AP3B1: variants seen among roughly 807,000 people sequenced by gnomAD.
The protein encoded by AP3B1 is adaptor related protein complex 3 subunit beta 1, also known as AP-3 complex subunit beta-1.
A neutral mutation model predicts 132.5 loss-of-function variants in AP3B1; 61 were observed. The ratio of observed to expected loss-of-function variants is 0.46; its 90% CI spans 0.37 to 0.57. AP3B1 has a LOEUF of 0.57. Among genes scored for constraint, AP3B1 ranks in the 20% least tolerant of loss-of-function variants. The pLI is 0.00. For synonymous variants in AP3B1, 388 were observed against 438.3 expected (o/e 0.89, Z 1.43); for missense variants, 1,120 against 1,289.4 (o/e 0.87, Z 2.01).
At chr5:78,285,239 ACT>A (rs1172104733) in intron 1 of AP3B1, among the ~76,000 whole-genome samples, 1 of 141,064 alleles carries the variant, frequency 7.1e-6, no homozygotes, top group African/African-American at 2.6e-5. Flanking sequence ...ACAGAGCAAG[ACT>A]CTGTCTCAAA....
At chr5:78,024,843 G>A (rs186120684) in intron 24 of AP3B1, among the ~76,000 whole-genome samples, 362 of 150,446 alleles carry the variant, frequency 2.4e-3, no homozygotes, top group African/African-American at 8.2e-3. Context: ...GATTACAGGT[G>A]TGAGTCACTG....
At chr5:78,081,836 T>A (rs1041748440) in intron 22 of AP3B1, among the ~76,000 whole-genome samples, 1 of 152,048 alleles carries the variant, frequency 6.6e-6, no homozygotes, top group Non-Finnish European at 1.5e-5. Flanking sequence ...AACAGAAAAA[T>A]TATGAAATCA....
intron 22 of AP3B1, among the ~76,000 whole-genome samples, chr5:78,078,276 C>T (rs575530845): frequency 7.2e-5 from 11 of 152,232 alleles, no homozygotes; most frequent in South Asian, 6.2e-4. Context: ...ATAATCATTC[C>T]GGTGCAAATC....
chr5:78,189,059 T>TA (rs1198435360), intron 7 of AP3B1, among the ~76,000 whole-genome samples: 1 of 151,976 alleles, frequency 6.6e-6, no homozygotes, highest in Non-Finnish European at 1.5e-5. Context: ...GAACAACACT[T>TA]ACTGGGGCCT....
intron 22 of AP3B1, among the ~76,000 whole-genome samples, chr5:78,045,252 G>A (rs1208885935): frequency 1.3e-5 from 2 of 151,916 alleles, no homozygotes; most frequent in Non-Finnish European, 2.9e-5. Flanking sequence ...GTGGTGGCAT[G>A]CACCTGTAAT....
In AP3B1 at chr5:78,044,443, A is replaced by G. The variant is rs572386436; in HGVS notation, c.2578-5169T>C. On this transcript the variant is annotated intron_variant, in intron 22 of 26. Coordinates refer to ENST00000255194, the MANE Select transcript of AP3B1 (RefSeq NM_003664.5). ...TTTTATTCTACATTGTTCCACAAAC[A>G]TATTTGTTATCAAATCATTAAATAA... Among the ~76,000 whole-genome samples, 4 of 152,354 alleles carry G rather than the reference A, an allele frequency of 2.6e-5. No individual in the cohort carries two copies. In the East Asian group the frequency reaches 7.7e-4, roughly 29 times the overall value.
intron 13 of AP3B1, 133 bp downstream of exon 13, chr5:78,162,686 A>T: frequency 1.1e-6 from 1 of 912,756 alleles, no homozygotes; most frequent in Non-Finnish European, 1.7e-6. Flanking sequence ...ATAAAATGCT[A>T]CTTATTGTGA....
intron 7 of AP3B1, among the ~76,000 whole-genome samples, chr5:78,189,853 G>A (rs1744754290): frequency 7.0e-6 from 1 of 143,256 alleles, no homozygotes; most frequent in Non-Finnish European, 1.5e-5. Flanking sequence ...CTGGATGACA[G>A]AGCAAGACTC....
chr5:78,197,996 C>G (rs1745140160), intron 7 of AP3B1, among the ~76,000 whole-genome samples: 1 of 152,160 alleles, frequency 6.6e-6, no homozygotes, highest in Non-Finnish European at 1.5e-5. Context: ...AACTGAGGTG[C>G]ACACAATTTA....
intron 7 of AP3B1, among the ~76,000 whole-genome samples, chr5:78,195,387 TAACAGAGAAA>T (rs1314569937): frequency 6.6e-6 from 1 of 152,048 alleles, no homozygotes; most frequent in African/African-American, 2.4e-5. Flanking sequence ...ATTTGTGAAA[TAACAGAGAAA>T]AACATCAGTG....
At chr5:78,224,557 A>G (rs1746323230) in intron 6 of AP3B1, among the ~76,000 whole-genome samples, 1 of 152,112 alleles carries the variant, frequency 6.6e-6, no homozygotes, top group African/African-American at 2.4e-5. Context: ...TTAAAGGCAC[A>G]CATTGGCAAA....
intron 22 of AP3B1, among the ~76,000 whole-genome samples, chr5:78,055,544 G>A (rs956686267): frequency 7.9e-5 from 12 of 152,128 alleles, no homozygotes; most frequent in African/African-American, 2.7e-4. Flanking sequence ...TAAAGACAAT[G>A]TTTATTAGCA....
chr5:78,260,924 T>C (rs1748063730), intron 2 of AP3B1, among the ~76,000 whole-genome samples: 1 of 152,236 alleles, frequency 6.6e-6, no homozygotes, highest in Non-Finnish European at 1.5e-5. Context: ...GGTTCATCCA[T>C]GTTGTAGCAT....
At chr5:78,218,956 T>G (rs961657216) in intron 6 of AP3B1, among the ~76,000 whole-genome samples, 1 of 152,158 alleles carries the variant, frequency 6.6e-6, no homozygotes, top group Non-Finnish European at 1.5e-5. Context: ...AGCTGGATAA[T>G]AGATCTATCA....
chr5:78,059,492 A>G (rs2112140696), intron 22 of AP3B1, among the ~76,000 whole-genome samples: 1 of 152,324 alleles, frequency 6.6e-6, no homozygotes, highest in African/African-American at 2.4e-5. Flanking sequence ...TTCAGAGTTT[A>G]TAGTATAGTT....
chr5:78,249,003 T>C (rs977793329), intron 2 of AP3B1, among the ~76,000 whole-genome samples: 2 of 152,226 alleles, frequency 1.3e-5, no homozygotes, highest in Non-Finnish European at 2.9e-5. Flanking sequence ...ACTGTGTTTA[T>C]GCGTGGTTTT....
intron 22 of AP3B1, among the ~76,000 whole-genome samples, chr5:78,062,232 C>G (rs1749090209): frequency 6.6e-6 from 1 of 152,128 alleles, no homozygotes; most frequent in Non-Finnish European, 1.5e-5. Flanking sequence ...GGTAGGTAAC[C>G]TGAATGTTTA....
chr5:78,215,906 C>G, intron 7 of AP3B1, 149 bp downstream of exon 7: 1 of 701,520 alleles, frequency 1.4e-6, no homozygotes, highest in Non-Finnish European at 2.4e-6. Flanking sequence ...ATATTGGTTG[C>G]CTGCTTTAGT....
At chr5:78,138,880 G>C in intron 15 of AP3B1, among the ~76,000 whole-genome samples, 1 of 142,146 alleles carries the variant, frequency 7.0e-6, no homozygotes, top group South Asian at 2.3e-4. Flanking sequence ...TGAGGCATGA[G>C]AATTGCTTGA....
Sources: allele counts gnomAD v4.1 joint callset (sites outside exome capture counted in the v4.1 genomes callset), GRCh38; gene constraint gnomAD v4.1.1; transcripts MANE v1.5; gene names NCBI Gene and HGNC (gene_info 2026-07-23, HGNC 2026-07-21).